NAPB: variants seen among roughly 807,000 people sequenced by gnomAD.
NAPB encodes beta-soluble NSF attachment protein.
A neutral mutation model predicts 44.7 loss-of-function variants in NAPB; 26 were observed. That is an observed-to-expected ratio of 0.58 (90% CI 0.43 to 0.81). NAPB has a LOEUF of 0.81. Among genes scored for constraint, NAPB ranks in the 30% least tolerant of loss-of-function variants. The probability of loss-of-function intolerance (pLI) is 0.00; values close to 1 mark genes in which losing one functional copy is unlikely to be tolerated. For synonymous variants in NAPB, 120 were observed against 116.8 expected, an observed-to-expected ratio of 1.03 and a Z score of -0.18; for missense variants, 315 against 356.4, an observed-to-expected ratio of 0.88 and a Z score of 0.94.
At chr20:23,389,691 T>C (rs943512984) in intron 7 of NAPB, among the ~76,000 whole-genome samples, 1 of 152,198 alleles carries the variant, frequency 6.6e-6, no homozygotes, top group Non-Finnish European at 1.5e-5. Flanking sequence ...AAAATCCATA[T>C]AGACAGAGAG....
intron 10 of NAPB, 32 bp from the exon 11 acceptor site, chr20:23,377,518 C>G (rs1982613477): frequency 7.0e-7 from 1 of 1,438,288 alleles, no homozygotes; most frequent in Non-Finnish European, 9.6e-7. Flanking sequence ...AGGAATTACC[C>G]CATGTAAATA....
At chr20:23,389,910 G>C (rs373949161) in intron 7 of NAPB, 36 bp downstream of exon 7, 2 of 1,565,092 alleles carry the variant, frequency 1.3e-6, no homozygotes, top group South Asian at 2.3e-5. Flanking sequence ...AAATTATTCA[G>C]ACAACTTCTC....
At chr20:23,401,018 T>C (rs1478814429) in intron 2 of NAPB, among the ~76,000 whole-genome samples, 2 of 150,672 alleles carry the variant, frequency 1.3e-5, no homozygotes, top group African/African-American at 2.4e-5. Context: ...AGGACAAGAT[T>C]GTTATTTTTA....
Position 23,383,156 on chromosome 20 carries a change from CAAAAA to C in NAPB, c.562-1844_562-1840del, listed in dbSNP as rs34238446. 5.7e-3 allele frequency among the ~76,000 whole-genome samples: 441 copies of C among 76,706 alleles called. 1 individual carries two copies. Among genetic ancestry groups the C allele is most frequent in the Admixed American group, 7.9e-3 (54 of 6,796 alleles). The allele number at this position is 76,706 out of a possible 152,430, so 50.3% of individuals were successfully genotyped here. A position where few individuals can be genotyped will look rare whatever the true frequency, so the allele number is the denominator to read the frequency against. ...TGGGCGACAGAGCAAGACTCGGTCTCAAAAAAAAAAAAAAAAAAAAAAAGGAAGCT... is the reference window on the plus strand; with the variant it reads ...TGGGCGACAGAGCAAGACTCGGTCTCAAAAAAAAAAAAAAAAAAGGAAGCT... On this transcript the variant is annotated intron_variant, in intron 7 of 10. Transcript: ENST00000377026.
chr20:23,413,072 A>G (rs558524264), intron 1 of NAPB, among the ~76,000 whole-genome samples: 1 of 152,256 alleles, frequency 6.6e-6, no homozygotes, highest in Non-Finnish European at 1.5e-5. Flanking sequence ...CCAAAGCAGG[A>G]GGATTGCTTA....
chr20:23,398,173 A>T (rs997711617), intron 2 of NAPB, among the ~76,000 whole-genome samples: 2 of 152,220 alleles, frequency 1.3e-5, no homozygotes, highest in African/African-American at 4.8e-5. Flanking sequence ...GCAACACAGC[A>T]GAGTGCCTCT....
At chr20:23,411,696 T>C (rs1985668897) in intron 1 of NAPB, among the ~76,000 whole-genome samples, 1 of 151,444 alleles carries the variant, frequency 6.6e-6, no homozygotes, top group South Asian at 2.1e-4. Context: ...GAGAAGCACA[T>C]AGGTAACAGG....
chr20:23,408,529 G>C (rs1036227524), intron 1 of NAPB, among the ~76,000 whole-genome samples: 1 of 152,184 alleles, frequency 6.6e-6, no homozygotes, highest in Non-Finnish European at 1.5e-5. Flanking sequence ...GATATTATAG[G>C]CTCTATAAAC....
At chr20:23,414,596 G>A (rs755510914) in intron 1 of NAPB, among the ~76,000 whole-genome samples, 1 of 152,106 alleles carries the variant, frequency 6.6e-6, no homozygotes, top group African/African-American at 2.4e-5. Flanking sequence ...CTTAATTCAA[G>A]GAAGTATTGA....
At chr20:23,409,010 G>A (rs747418654) in intron 1 of NAPB, among the ~76,000 whole-genome samples, 1 of 152,134 alleles carries the variant, frequency 6.6e-6, no homozygotes, top group Non-Finnish European at 1.5e-5. Context: ...TTTATAAATC[G>A]GTAATGCAGA....
chr20:23,390,312 CA>C, intron 5 of NAPB, 48 bp from the exon 6 acceptor site: 1 of 1,465,094 alleles, frequency 6.8e-7, no homozygotes, highest in African/African-American at 1.4e-5. Flanking sequence ...TGGAGAGCTG[CA>C]TTTTAAAACT....
At chr20:23,386,608 T>C (rs1387172415) in intron 7 of NAPB, among the ~76,000 whole-genome samples, 1 of 152,252 alleles carries the variant, frequency 6.6e-6, no homozygotes, top group African/African-American at 2.4e-5. Flanking sequence ...TCAACATCTA[T>C]GTCACTGGAC....
chr20:23,388,427 A>G (rs1281355357), intron 7 of NAPB, among the ~76,000 whole-genome samples: 3 of 152,206 alleles, frequency 2.0e-5, no homozygotes, highest in Non-Finnish European at 4.4e-5. Flanking sequence ...TATTCGGATG[A>G]AAATGCAAGG....
chr20:23,410,512 A>T (rs1225140879), intron 1 of NAPB, among the ~76,000 whole-genome samples: 3 of 152,190 alleles, frequency 2.0e-5, no homozygotes, highest in Non-Finnish European at 2.9e-5. Flanking sequence ...GGGCATAAAA[A>T]TGGCAACCGT....
intron 1 of NAPB, among the ~76,000 whole-genome samples, chr20:23,403,696 G>A (rs140083411): frequency 4.6e-5 from 7 of 151,894 alleles, no homozygotes; most frequent in African/African-American, 1.7e-4. Context: ...TCTTTAATCA[G>A]AGTCCTTCCC....
rs8115381 is a variant in NAPB, at chr20:23,390,385, G to A, written c.421-121C>T. ...TCTACCAGCAAACTTTTCACAACTC[G>A]GCCTACTTTCTTTAGGAAATACAAG... On this transcript the variant is annotated intron_variant, in intron 5 of 10. Coordinates refer to ENST00000377026, the MANE Select transcript of NAPB (RefSeq NM_022080.3). The A allele has an allele frequency of 7.1e-3, 5,431 of 763,618 alleles. 206 individuals carry two copies. In the African/African-American group the frequency reaches 0.082, roughly 12 times the overall value. 47.3% of individuals were successfully genotyped at this position (763,618 alleles called of 1,614,324 possible). A position where few individuals can be genotyped will look rare whatever the true frequency, so the allele number is the denominator to read the frequency against.
rs553862305 is a variant in NAPB, at chr20:23,394,043, G to A, written c.420+879C>T. On this transcript the variant is annotated intron_variant, in intron 5 of 10. Transcript: ENST00000377026. ...CAGGCCACACAGATGCATGGGGAGT[G>A]TGGGGCTGGGAGGAAGCAATTCAGT... Among the ~76,000 whole-genome samples, 13 of 152,306 alleles carry A rather than the reference G, an allele frequency of 8.5e-5. No homozygotes were observed. In the South Asian group the frequency reaches 2.7e-3, roughly 32 times the overall value.
chr20:23,377,340 G>A lies in NAPB; in HGVS notation c.*36C>T. 7.2e-7 allele frequency: 1 copy of A among 1,389,460 alleles called. No individual in the cohort carries two copies. The highest frequency in any genetic ancestry group is 2.4e-5 in the East Asian group (1 of 42,346). 86.1% of individuals were successfully genotyped at this position (1,389,460 alleles called of 1,614,324 possible). A position where few individuals can be genotyped will look rare whatever the true frequency, so the allele number is the denominator to read the frequency against. ...CACTTGACCCTAAGACAAAACTAAA[G>A]AGGAGTTAGCTGCATGCCACAAAGA... On this transcript the variant is annotated 3_prime_UTR_variant, in exon 11 of 11. Transcript: ENST00000377026.
At chr20:23,379,516 T>A (rs757604228) in intron 9 of NAPB, 21 bp from the exon 10 acceptor site, 3 of 1,582,738 alleles carry the variant, frequency 1.9e-6, no homozygotes, top group African/African-American at 1.4e-5. Flanking sequence ...AAAAATATTT[T>A]AAAAAACAGT....
Sources: gnomAD v4.1 joint callset for allele counts (sites outside exome capture counted in the v4.1 genomes callset) on GRCh38, gnomAD v4.1.1 for gene constraint, MANE v1.5 for transcripts, NCBI Gene and HGNC (gene_info 2026-07-23, HGNC 2026-07-21) for gene names.